The following MYH11 variants were observed in gnomAD, a reference collection of about 807,000 sequenced individuals.
MYH11 encodes myosin heavy chain 11.
In MYH11, 80 loss-of-function variants were observed where a neutral mutation model predicts 246.6. The observed-to-expected ratio is 0.32, with a 90% CI of 0.27 to 0.39. The LOEUF is 0.39. Ranked by LOEUF, MYH11 falls within the 10% of genes least tolerant of loss-of-function variation. MYH11 has a pLI of 1.00. For synonymous variants in MYH11, 1,071 were observed against 1,015.5 expected (o/e 1.05, Z -1.04); for missense variants, 2,158 against 2,546.8 (o/e 0.85, Z 3.29).
intron 2 of MYH11, 140 bp downstream of exon 2, chr16:15,837,768 C>A: frequency 1.4e-6 from 1 of 730,526 alleles, no homozygotes; most frequent in Admixed American, 2.1e-5. Context: ...CTTCTGACCT[C>A]AGGTGATCTG....
At chr16:15,742,562 C>T (rs2041304017) in intron 20 of MYH11, among the ~76,000 whole-genome samples, 1 of 151,906 alleles carries the variant, frequency 6.6e-6, no homozygotes, top group Non-Finnish European at 1.5e-5. Flanking sequence ...CATCATGAGA[C>T]CCCATCTCTA....
rs1020399570 is a variant in MYH11, at chr16:15,778,863, G to A, written c.727-20C>T. ...TTTGCCCTGCCAACAGGAAAACACA[G>A]TTCAGGCTTTGCTGCCCAACTTCAG... is the stretch of plus-strand genomic sequence containing the variant. On this transcript the variant is annotated intron_variant, in intron 6 of 40. Coordinates refer to ENST00000300036, the MANE Select transcript of MYH11 (RefSeq NM_002474.3). 46 of 1,613,618 alleles carry A rather than the reference G, an allele frequency of 2.9e-5. No homozygotes were observed. The highest frequency in any genetic ancestry group is 3.7e-5 in the Non-Finnish European group (44 of 1,179,744).
At chr16:15,845,601 G>C (rs1440280044) in intron 1 of MYH11, among the ~76,000 whole-genome samples, 3 of 152,042 alleles carry the variant, frequency 2.0e-5, no homozygotes, top group African/African-American at 7.2e-5. Flanking sequence ...GTATAACCAA[G>C]GTTAGTTTAA....
At chr16:15,770,955 T>C (rs1358838633) in intron 9 of MYH11, among the ~76,000 whole-genome samples, 1 of 152,040 alleles carries the variant, frequency 6.6e-6, no homozygotes, top group Admixed American at 6.6e-5. Context: ...GAAAAATCTT[T>C]TGAACACCTA....
chr16:15,772,650 T>C (rs1357785857), intron 8 of MYH11, among the ~76,000 whole-genome samples: 2 of 152,164 alleles, frequency 1.3e-5, no homozygotes, highest in Non-Finnish European at 2.9e-5. Context: ...TTACATATCA[T>C]AGGCCAAGGG....
chr16:15,831,507 G>A (rs531582205), intron 2 of MYH11, among the ~76,000 whole-genome samples: 271 of 134,824 alleles, frequency 2.0e-3, no homozygotes, highest in African/African-American at 6.9e-3. Context: ...GTACATACAT[G>A]AACCTGTGAA....
intron 27 of MYH11, among the ~76,000 whole-genome samples, chr16:15,729,582 A>T (rs1226619055): frequency 1.4e-5 from 2 of 141,272 alleles, no homozygotes; most frequent in Non-Finnish European, 3.0e-5. Context: ...ACTGAGTCTC[A>T]CTCTGTTGCC....
At chr16:15,740,536 G>A (rs180809133) in intron 22 of MYH11, among the ~76,000 whole-genome samples, 11 of 151,672 alleles carry the variant, frequency 7.3e-5, no homozygotes, top group East Asian at 5.8e-4. Flanking sequence ...GCTTGAACCC[G>A]AGAGGCAGAG....
intron 3 of MYH11, among the ~76,000 whole-genome samples, chr16:15,798,928 G>C (rs1004202262): frequency 2.2e-4 from 33 of 152,182 alleles, no homozygotes; most frequent in African/African-American, 8.0e-4. Context: ...ACTGATCCAG[G>C]AGTCATTAGC....
rs753238525 is a variant in MYH11, at chr16:15,750,240, T to C, written c.1956A>G (p.Thr652=). The C allele has an allele frequency of 1.2e-5, 19 of 1,614,078 alleles. No homozygotes were observed. Among genetic ancestry groups the C allele is most frequent in the South Asian group, 1.1e-4 (10 of 91,092 alleles). The change falls in exon 16 of 41, where the codon ACA becomes ACG. Residue 652 remains threonine, a synonymous_variant. Coordinates refer to ENST00000300036, the MANE Select transcript of MYH11 (RefSeq NM_002474.3). This position sits in a 1 kb window ranked among gnomAD's most constrained non-coding sequence, Gnocchi z 4.3. ...GCTGCTCCTTGTACAGCTGCCCCACTGTGCGGAACATGCCCTTCTTGGTCT... is the reference window on the plus strand; with the variant it reads ...GCTGCTCCTTGTACAGCTGCCCCACCGTGCGGAACATGCCCTTCTTGGTCT... The part of the protein sequence containing the change: ...ASKTKKGMFR[T]VGQLYKEQLG...
Position 15,708,702 on chromosome 16 carries a change from T to C in MYH11, c.5787-4579A>G, listed in dbSNP as rs970919485. Reference sequence around the variant, plus strand: ...AGATTTTGCAAGAATCTCGTGGAAATGTGCAAGGGTTTAAAAATTGGGGTG... The same window carrying C: ...AGATTTTGCAAGAATCTCGTGGAAACGTGCAAGGGTTTAAAAATTGGGGTG... On this transcript the variant is annotated intron_variant, in intron 40 of 40. Transcript: ENST00000300036. 33 of 1,263,760 alleles carry C rather than the reference T, an allele frequency of 2.6e-5. No individual in the cohort carries two copies. In the African/African-American group the frequency reaches 4.9e-4, roughly 19 times the overall value. The allele number at this position is 1,263,760 out of a possible 1,614,324, so 78.3% of individuals were successfully genotyped here.
At chr16:15,742,590 G>C (rs1052686149) in intron 20 of MYH11, among the ~76,000 whole-genome samples, 1 of 151,886 alleles carries the variant, frequency 6.6e-6, no homozygotes, top group Non-Finnish European at 1.5e-5. Flanking sequence ...AAGTAACCAG[G>C]CATGGTGGTG....
At chr16:15,838,428 C>T (rs1276829429) in intron 1 of MYH11, among the ~76,000 whole-genome samples, 159 bp from the exon 2 acceptor site, 1 of 152,158 alleles carries the variant, frequency 6.6e-6, no homozygotes, top group Non-Finnish European at 1.5e-5. Context: ...ACAGAGACCA[C>T]CCAAAGGCCC....
At chr16:15,722,785 G>A (rs11640457) in intron 31 of MYH11, among the ~76,000 whole-genome samples, 1 of 152,160 alleles carries the variant, frequency 6.6e-6, no homozygotes, top group African/African-American at 2.4e-5. Context: ...CCATCACTCA[G>A]GCTGGGGTGT....
intron 22 of MYH11, chr16:15,741,120 T>A (rs1444579974): frequency 4.7e-6 from 2 of 425,108 alleles, no homozygotes; most frequent in Non-Finnish European, 4.4e-6. Context: ...CCTAAGCCAC[T>A]CTCAAATTCC....
chr16:15,728,043 A>G (rs145577747), intron 27 of MYH11, among the ~76,000 whole-genome samples: 18 of 152,350 alleles, frequency 1.2e-4, no homozygotes, highest in African/African-American at 4.3e-4. Context: ...AGCCTGGCCA[A>G]CATGGCGAAA....
At chr16:15,777,381 A>C (rs920497620) in intron 7 of MYH11, among the ~76,000 whole-genome samples, 3 of 152,122 alleles carry the variant, frequency 2.0e-5, no homozygotes, top group African/African-American at 7.2e-5. Context: ...TCGGCCTCCC[A>C]AAGTGCTGGA....
chr16:15,707,020 A>T (rs1458862082), intron 40 of MYH11, among the ~76,000 whole-genome samples: 1 of 152,122 alleles, frequency 6.6e-6, no homozygotes, highest in African/African-American at 2.4e-5. Context: ...AGGTTTTCTT[A>T]AAGGGTCTGA....
At chr16:15,795,997 T>C (rs1037927477) in intron 4 of MYH11, among the ~76,000 whole-genome samples, 1 of 152,188 alleles carries the variant, frequency 6.6e-6, no homozygotes, top group Non-Finnish European at 1.5e-5. Context: ...TGAATATTCT[T>C]ATAATGTATA....
Sources: gnomAD v4.1 joint callset for allele counts (sites outside exome capture counted in the v4.1 genomes callset) on GRCh38, gnomAD v4.1.1 for gene constraint, Gnocchi (gnomAD v3.1) non-coding constraint, MANE v1.5 for transcripts, NCBI Gene and HGNC (gene_info 2026-07-23, HGNC 2026-07-21) for gene names.